The following PRKG1 variants were observed in gnomAD, a reference collection of about 807,000 sequenced individuals.
PRKG1 encodes cGMP-dependent protein kinase 1.
In PRKG1, 35 loss-of-function variants were observed where a neutral mutation model predicts 88.1. That is an observed-to-expected ratio of 0.40 (90% CI 0.30 to 0.53). The LOEUF (loss-of-function observed/expected upper bound fraction) is 0.53, where lower values mean the gene tolerates loss of function less well. PRKG1 is among the 20% of genes least tolerant of loss of function. The pLI is 0.59. For synonymous variants in PRKG1, 303 were observed against 292.5 expected (o/e 1.04, Z -0.37); for missense variants, 540 against 839.8 (o/e 0.64, Z 4.41).
At chr10:51,830,454 A>G (rs1839974872) in intron 4 of PRKG1, among the ~76,000 whole-genome samples, 1 of 152,134 alleles carries the variant, frequency 6.6e-6, no homozygotes, top group African/African-American at 2.4e-5. Context: ...ATTCACTAAT[A>G]ATAGGACAGT....
chr10:51,444,027 A>G (rs1368955263), intron 2 of PRKG1, among the ~76,000 whole-genome samples: 3 of 151,820 alleles, frequency 2.0e-5, no homozygotes, highest in Non-Finnish European at 4.4e-5. Context: ...TTAGGTGAAC[A>G]CAAAGTGTCT....
chr10:51,367,596 T>C (rs1004534186), intron 2 of PRKG1, among the ~76,000 whole-genome samples: 4 of 151,938 alleles, frequency 2.6e-5, no homozygotes, highest in African/African-American at 9.7e-5. Flanking sequence ...GTCCCCCTTA[T>C]TTTTATACCT....
chr10:51,560,178 T>C (rs1043835060), intron 3 of PRKG1, among the ~76,000 whole-genome samples: 1 of 152,016 alleles, frequency 6.6e-6, no homozygotes, highest in African/African-American at 2.4e-5. Flanking sequence ...CCCCTTTTGG[T>C]GGGTAGGTTG....
intron 3 of PRKG1, among the ~76,000 whole-genome samples, chr10:51,721,225 A>AG (rs1482583299): frequency 1.3e-5 from 2 of 151,158 alleles, no homozygotes; most frequent in African/African-American, 4.9e-5. Flanking sequence ...AAAAAAAAAA[A>AG]AAAAAAAGAA....
In PRKG1 at chr10:51,210,916, A is replaced by G. The variant is rs964664469; in HGVS notation, c.478+57586A>G. Among the ~76,000 whole-genome samples, 23 of 152,184 alleles carry G rather than the reference A, an allele frequency of 1.5e-4. 1 individual carries two copies. The highest frequency in any genetic ancestry group is 6.5e-4 in the Admixed American group (10 of 15,274). ...AGGAGCTGGTACCATTCCTTCTGAA[A>G]CTATTCTAATCAATGGAAAAAGAGG... On this transcript the variant is annotated intron_variant, in intron 2 of 17. Coordinates refer to ENST00000373980, the MANE Select transcript of PRKG1 (RefSeq NM_006258.4).
At chr10:52,223,406 A>T (rs534004016) in intron 9 of PRKG1, among the ~76,000 whole-genome samples, 1 of 151,526 alleles carries the variant, frequency 6.6e-6, no homozygotes, top group East Asian at 1.9e-4. Flanking sequence ...GGGTACTAGA[A>T]CCCCATATTC....
chr10:52,170,646 T>G (rs1481588324), intron 9 of PRKG1, among the ~76,000 whole-genome samples: 1 of 152,210 alleles, frequency 6.6e-6, no homozygotes, highest in Non-Finnish European at 1.5e-5. Context: ...AGTCCTTAAA[T>G]ATTTTACTTC....
chr10:51,179,160 C>T (rs1837278461), intron 2 of PRKG1, among the ~76,000 whole-genome samples: 1 of 152,158 alleles, frequency 6.6e-6, no homozygotes, highest in African/African-American at 2.4e-5. Context: ...GCTCAGAACT[C>T]AGTTGTAAAT....
chr10:52,155,378 A>G (rs1838063220), intron 8 of PRKG1, among the ~76,000 whole-genome samples: 1 of 152,056 alleles, frequency 6.6e-6, no homozygotes, highest in Admixed American at 6.6e-5. Context: ...ATCTTAAGCT[A>G]ATGTTTGTCA....
At chr10:52,235,233 G>A (rs1221460992) in intron 9 of PRKG1, among the ~76,000 whole-genome samples, 17 of 72,818 alleles carry the variant, frequency 2.3e-4, no homozygotes, top group East Asian at 4.6e-4. Flanking sequence ...AAAGACCGTC[G>A]AGACTAGGAA....
intron 9 of PRKG1, among the ~76,000 whole-genome samples, chr10:52,184,244 A>G (rs971475273): frequency 6.6e-6 from 1 of 152,232 alleles, no homozygotes; most frequent in South Asian, 2.1e-4. Context: ...CAAGCACATA[A>G]TACTGCCAAT....
At chr10:51,646,376 T>C (rs948153498) in intron 3 of PRKG1, among the ~76,000 whole-genome samples, 1 of 152,024 alleles carries the variant, frequency 6.6e-6, no homozygotes, top group Non-Finnish European at 1.5e-5. Context: ...TCTCCTCCTC[T>C]TCCTCTAACC....
intron 2 of PRKG1, among the ~76,000 whole-genome samples, chr10:51,441,746 T>A (rs543787409): frequency 6.6e-6 from 1 of 152,166 alleles, no homozygotes; most frequent in South Asian, 2.1e-4. Flanking sequence ...TTGATCATTA[T>A]AACCTTGAGT....
intron 1 of PRKG1, among the ~76,000 whole-genome samples, chr10:51,055,317 G>T (rs533470998): frequency 6.6e-6 from 1 of 152,032 alleles, no homozygotes; most frequent in East Asian, 1.9e-4. Flanking sequence ...GATGCCTCCA[G>T]CAGATTGACT....
intron 5 of PRKG1, among the ~76,000 whole-genome samples, chr10:51,966,241 C>A (rs908614013): frequency 9.9e-5 from 15 of 152,026 alleles, no homozygotes; most frequent in African/African-American, 3.1e-4. Context: ...TTTCAGCAAC[C>A]CTTTCCATCT....
At chr10:51,884,267 A>C (rs1841508127) in intron 4 of PRKG1, among the ~76,000 whole-genome samples, 1 of 150,246 alleles carries the variant, frequency 6.7e-6, no homozygotes, top group Non-Finnish European at 1.5e-5. Flanking sequence ...TAACACGGTG[A>C]AACCCCGTCT....
chr10:52,282,371 A>C (rs1275154741), intron 14 of PRKG1, 55 bp downstream of exon 14: 1 of 1,455,696 alleles, frequency 6.9e-7, no homozygotes, highest in Non-Finnish European at 9.2e-7. Flanking sequence ...GCAGCTACAC[A>C]CTCCTGCTTT....
At chr10:51,577,190 T>G (rs1188858623) in intron 3 of PRKG1, among the ~76,000 whole-genome samples, 1 of 152,016 alleles carries the variant, frequency 6.6e-6, no homozygotes, top group Non-Finnish European at 1.5e-5. Context: ...TTCATATTTT[T>G]GGTACGTTAT....
At chr10:51,134,540 G>C (rs1845644299) in intron 1 of PRKG1, among the ~76,000 whole-genome samples, 1 of 152,174 alleles carries the variant, frequency 6.6e-6, no homozygotes, top group Admixed American at 6.5e-5. Context: ...ACTGCACCAT[G>C]AATGTGGAAA....
Sources: allele counts gnomAD v4.1 joint callset (sites outside exome capture counted in the v4.1 genomes callset), GRCh38; gene constraint gnomAD v4.1.1; transcripts MANE v1.5; gene names NCBI Gene and HGNC (gene_info 2026-07-23, HGNC 2026-07-21).